Variants in GABBR2 observed in about 807,000 individuals in gnomAD.
GABBR2 encodes the protein G-protein coupled receptor 51.
A neutral mutation model predicts 105.6 loss-of-function variants in GABBR2; 23 were observed. The observed-to-expected ratio is 0.22, with a 90% confidence interval of 0.16 to 0.31. The LOEUF is 0.31. Among genes scored for constraint, GABBR2 ranks in the 10% least tolerant of loss-of-function variants. The probability of loss-of-function intolerance (pLI) is 1.00; values close to 1 mark genes in which losing one functional copy is unlikely to be tolerated. For missense variants in GABBR2, 734 were observed against 1,245.5 expected, an observed-to-expected ratio of 0.59 and a Z score of 6.18; for synonymous variants, 478 against 499.7, an observed-to-expected ratio of 0.96 and a Z score of 0.58.
At chr9:98,581,612 CA>C (rs1829004975) in intron 1 of GABBR2, among the ~76,000 whole-genome samples, 1 of 152,030 alleles carries the variant, frequency 6.6e-6, no homozygotes, top group Non-Finnish European at 1.5e-5. Context: ...CAACACTTCT[CA>C]CCCCCAACAG....
At chr9:98,385,440 T>C (rs1473069673) in intron 11 of GABBR2, among the ~76,000 whole-genome samples, 200 bp downstream of exon 11, 2 of 152,142 alleles carry the variant, frequency 1.3e-5, no homozygotes, top group Non-Finnish European at 2.9e-5. Context: ...TTATCTTAAC[T>C]TTGTAGGTGG....
At chr9:98,303,533 C>T in intron 15 of GABBR2, 110 bp from the exon 16 acceptor site, 1 of 903,790 alleles carries the variant, frequency 1.1e-6, no homozygotes, top group Non-Finnish European at 1.7e-6. Context: ...GATAAGAGGC[C>T]CCAGGAAAGC....
chr9:98,305,698 C>T (rs958488774), intron 15 of GABBR2, among the ~76,000 whole-genome samples: 1 of 151,938 alleles, frequency 6.6e-6, no homozygotes, highest in African/African-American at 2.4e-5. Flanking sequence ...GCCTGTAGTC[C>T]CAGCTACTTG....
chr9:98,699,775 G>A (rs1035239821), intron 1 of GABBR2, among the ~76,000 whole-genome samples: 1 of 152,132 alleles, frequency 6.6e-6, no homozygotes, highest in Non-Finnish European at 1.5e-5. Flanking sequence ...ATACACTCAC[G>A]GTTTCAGCCT....
chr9:98,624,869 G>C (rs1447184257), intron 1 of GABBR2, among the ~76,000 whole-genome samples: 1 of 152,188 alleles, frequency 6.6e-6, no homozygotes, highest in Non-Finnish European at 1.5e-5. Context: ...CTTGAGCAAA[G>C]GCTTTTCTCT....
intron 13 of GABBR2, among the ~76,000 whole-genome samples, chr9:98,320,453 T>C (rs1328923051): frequency 6.6e-6 from 1 of 151,912 alleles, no homozygotes; most frequent in African/African-American, 2.4e-5. Flanking sequence ...AGAAATACCA[T>C]TTGACCCAGC....
intron 4 of GABBR2, among the ~76,000 whole-genome samples, chr9:98,492,349 T>TTAAAAAAAAAAAAAAAAAAAAAA (rs752135873): frequency 3.8e-4 from 11 of 29,220 alleles, no homozygotes; most frequent in Non-Finnish European, 8.6e-4. Flanking sequence ...TGTTTCCTAG[T>TTAAAAAAAAAAAAAAAAAAAAAA]AAAAAAAAAA....
rs936181531 is a variant in GABBR2, at chr9:98,454,768, C to G, written c.1000-551G>C. On this transcript the variant is annotated intron_variant, in intron 6 of 18. Coordinates refer to ENST00000259455, the MANE Select transcript of GABBR2 (RefSeq NM_005458.8). The surrounding 1 kb of genome is among the most constrained non-coding windows in gnomAD (Gnocchi z 4.6). ...GTGTGCTGCTCAGCCCACCCCTCCCCTTCCCTTCCCACCCCTCTCCATCCT... is the reference window on the plus strand; with the variant it reads ...GTGTGCTGCTCAGCCCACCCCTCCCGTTCCCTTCCCACCCCTCTCCATCCT... Among the ~76,000 whole-genome samples the G allele has an allele frequency of 2.6e-5, 4 of 152,094 alleles. No individual in the cohort carries two copies. The highest frequency in any genetic ancestry group is 5.9e-5 in the Non-Finnish European group (4 of 68,004).
intron 1 of GABBR2, chr9:98,707,580 C>G (rs770410347): frequency 6.6e-6 from 1 of 152,524 alleles, no homozygotes; most frequent in Non-Finnish European, 1.5e-5. Flanking sequence ...AAGCCCTTGG[C>G]TCTCTGGCTC....
chr9:98,398,620 G>A (rs1832336506), intron 8 of GABBR2, among the ~76,000 whole-genome samples: 1 of 152,114 alleles, frequency 6.6e-6, no homozygotes, highest in South Asian at 2.1e-4. Context: ...TCCTGCTCCT[G>A]ACCATCCTTC....
intron 3 of GABBR2, among the ~76,000 whole-genome samples, chr9:98,501,043 A>C (rs1033087236): frequency 6.6e-6 from 1 of 152,010 alleles, no homozygotes; most frequent in Non-Finnish European, 1.5e-5. Flanking sequence ...AATGGCTTGG[A>C]TATTTTCCCC....
chr9:98,679,139 T>C (rs988598738), intron 1 of GABBR2, among the ~76,000 whole-genome samples: 4 of 152,118 alleles, frequency 2.6e-5, no homozygotes, highest in Non-Finnish European at 4.4e-5. Context: ...TAGACAAGAA[T>C]GTGGATGCTC....
At chr9:98,477,526 C>T (rs1213197288) in intron 5 of GABBR2, among the ~76,000 whole-genome samples, 4 of 152,176 alleles carry the variant, frequency 2.6e-5, no homozygotes. Flanking sequence ...GCATGAGCCA[C>T]CACACCTCCA....
intron 4 of GABBR2, among the ~76,000 whole-genome samples, chr9:98,492,349 T>TAAAAAAAAAAAAAAAAAAA (rs574771107): frequency 0.011 from 315 of 29,182 alleles, 52 homozygotes; most frequent in African/African-American, 0.013. Flanking sequence ...TGTTTCCTAG[T>TAAAAAAAAAAAAAAAAAAA]AAAAAAAAAA....
chr9:98,419,615 G>A (rs1330746127), intron 7 of GABBR2, among the ~76,000 whole-genome samples: 2 of 152,180 alleles, frequency 1.3e-5, no homozygotes, highest in Non-Finnish European at 1.5e-5. Context: ...GGGTGGCTGC[G>A]GAGGGCCCAG....
intron 16 of GABBR2, 56 bp downstream of exon 16, chr9:98,303,185 G>A: frequency 6.9e-7 from 1 of 1,450,910 alleles, no homozygotes; most frequent in Non-Finnish European, 9.6e-7. Flanking sequence ...CCCGCACAGG[G>A]TTAGAGGGGC....
chr9:98,523,996 C>T (rs1930408), intron 3 of GABBR2, among the ~76,000 whole-genome samples: 6,986 of 64,414 alleles, frequency 0.11, 244 homozygotes, highest in South Asian at 0.35. Context: ...CAAGAAAGGG[C>T]CTATAACAAA....
chr9:98,396,830 G>A (rs976988906), intron 8 of GABBR2, among the ~76,000 whole-genome samples: 3 of 152,086 alleles, frequency 2.0e-5, no homozygotes, highest in Admixed American at 1.3e-4. Flanking sequence ...ACTCACATAC[G>A]CTGCTGTATG....
intron 3 of GABBR2, among the ~76,000 whole-genome samples, chr9:98,540,399 C>T (rs1005379534): frequency 7.2e-5 from 11 of 152,196 alleles, no homozygotes; most frequent in South Asian, 2.1e-4. Flanking sequence ...CCCCATTTTA[C>T]AGGGGAGGAA....
Sources: allele counts gnomAD v4.1 joint callset (sites outside exome capture counted in the v4.1 genomes callset), GRCh38; gene constraint gnomAD v4.1.1; non-coding constraint Gnocchi (gnomAD v3.1); transcripts MANE v1.5; gene names NCBI Gene and HGNC (gene_info 2026-07-23, HGNC 2026-07-21).